Variants in PI4KA observed in about 807,000 individuals in gnomAD.
PI4KA encodes the protein phosphatidylinositol 4-kinase alpha.
In PI4KA, 122 loss-of-function variants were observed where a neutral mutation model predicts 271.4. That is an observed-to-expected ratio of 0.45 (90% CI 0.39 to 0.52). PI4KA has a LOEUF of 0.52. Among genes scored for constraint, PI4KA ranks in the 20% least tolerant of loss-of-function variants. The pLI, the probability that PI4KA is intolerant of heterozygous loss-of-function variation, is 0.00. For synonymous variants in PI4KA, 1,041 were observed against 1,078.8 expected (o/e 0.96, Z 0.69); for missense variants, 1,969 against 2,769.1 (o/e 0.71, Z 6.48).
intron 18 of PI4KA, among the ~76,000 whole-genome samples, chr22:20,794,509 G>C (rs912831305): frequency 2.0e-5 from 3 of 152,188 alleles, no homozygotes; most frequent in African/African-American, 7.2e-5. Flanking sequence ...TCAGCCACAT[G>C]ACTGTCGGAG....
At chr22:20,777,615 G>C (rs1031021434) in intron 19 of PI4KA, among the ~76,000 whole-genome samples, 3 of 152,222 alleles carry the variant, frequency 2.0e-5, no homozygotes, top group Middle Eastern at 3.2e-3. Context: ...TGGTCTCCCA[G>C]TGTTGGGATT....
chr22:20,825,508 T>C (rs551721692), intron 3 of PI4KA, among the ~76,000 whole-genome samples: 4 of 152,246 alleles, frequency 2.6e-5, no homozygotes, highest in African/African-American at 9.6e-5. Context: ...GGCACGAGAA[T>C]TGCTTGAACC....
Position 20,765,249 on chromosome 22 carries a change from G to A in PI4KA, c.2438-13C>T, listed in dbSNP as rs769486695. On this transcript the variant is annotated splice_polypyrimidine_tract_variant and intron_variant, in intron 20 of 54. Coordinates refer to ENST00000255882, the MANE Select transcript of PI4KA (RefSeq NM_058004.4). ...TCTGGCCAGAGTCCTGCAATAAAGT[G>A]AACATAAATGAGGAAATCACCTTGG... 4 of 1,591,192 alleles carry A rather than the reference G, an allele frequency of 2.5e-6. No individual in the cohort carries two copies. Among genetic ancestry groups the A allele is most frequent in the African/African-American group, 1.3e-5 (1 of 74,436 alleles).
intron 22 of PI4KA, among the ~76,000 whole-genome samples, chr22:20,763,865 G>A (rs888940148): frequency 5.3e-5 from 8 of 152,192 alleles, no homozygotes; most frequent in African/African-American, 1.9e-4. Context: ...CTGAGGGCAG[G>A]GAGGAGGAGA....
chr22:20,747,587 A>G lies in PI4KA; in HGVS notation c.3359T>C (p.Leu1120Pro), dbSNP rs1374832801. 1 of 1,613,754 alleles carries G rather than the reference A, an allele frequency of 6.2e-7. No individual in the cohort carries two copies. The highest frequency in any genetic ancestry group is 8.5e-7 in the Non-Finnish European group (1 of 1,179,932). ...CTTCAGAAGGCTCGCACATACCCCA[A>G]GAGTTGTGTTCTGCTTGTTGTAGCC... The part of the protein sequence containing the change: ...FAGYNKQNTT[L>P]GATQLSERPA... Residue 1120 changes from leucine (L) to proline (P), a missense_variant, in exon 29 of 55, where the codon CTT becomes CCT. Leu to Pro is a moderately conservative substitution (Grantham distance 98). Coordinates refer to ENST00000255882, the MANE Select transcript of PI4KA (RefSeq NM_058004.4).
intron 23 of PI4KA, among the ~76,000 whole-genome samples, chr22:20,757,449 C>G (rs1375590950): frequency 6.6e-6 from 1 of 152,142 alleles, no homozygotes; most frequent in Non-Finnish European, 1.5e-5. Context: ...AAAAACAGAG[C>G]TCAGAGAGAA....
chr22:20,732,596 C>T (rs1928210510), intron 36 of PI4KA, among the ~76,000 whole-genome samples: 1 of 152,222 alleles, frequency 6.6e-6, no homozygotes, highest in African/African-American at 2.4e-5. Flanking sequence ...AATCACCTGT[C>T]CATTTGACTG....
chr22:20,713,892 A>C (rs1396735196), intron 47 of PI4KA, among the ~76,000 whole-genome samples: 1 of 152,232 alleles, frequency 6.6e-6, no homozygotes, highest in Non-Finnish European at 1.5e-5. Flanking sequence ...CCTTATTTGG[A>C]AACAGGGTCT....
At chr22:20,776,550 G>C (rs1933296995) in intron 19 of PI4KA, among the ~76,000 whole-genome samples, 1 of 152,124 alleles carries the variant, frequency 6.6e-6, no homozygotes, top group Non-Finnish European at 1.5e-5. Context: ...GTATTATAAG[G>C]GGAAGACCCA....
At chr22:20,824,621 T>C (rs1055265409) in intron 3 of PI4KA, among the ~76,000 whole-genome samples, 3 of 152,052 alleles carry the variant, frequency 2.0e-5, no homozygotes, top group Non-Finnish European at 4.4e-5. Context: ...TTTAAGTAAA[T>C]GTTTTGGTTC....
intron 12 of PI4KA, 56 bp from the exon 13 acceptor site, chr22:20,803,376 G>A (rs993229578): frequency 8.7e-6 from 14 of 1,608,110 alleles, no homozygotes; most frequent in Non-Finnish European, 1.2e-5. Flanking sequence ...ATCTGAGTAG[G>A]CCCTGAGCAG....
At chr22:20,806,293 C>T (rs1935646870) in intron 10 of PI4KA, among the ~76,000 whole-genome samples, 1 of 152,122 alleles carries the variant, frequency 6.6e-6, no homozygotes, top group Non-Finnish European at 1.5e-5. Context: ...AAGATTGTTT[C>T]CTCACTTCTG....
At chr22:20,764,257 A>C (rs1480187047) in intron 22 of PI4KA, among the ~76,000 whole-genome samples, 8 of 152,152 alleles carry the variant, frequency 5.3e-5, no homozygotes, top group Admixed American at 5.2e-4. Context: ...GTAATGCAGC[A>C]CAGTACCTGG....
intron 1 of PI4KA, among the ~76,000 whole-genome samples, chr22:20,854,819 T>C (rs1257281427): frequency 6.6e-6 from 1 of 152,168 alleles, no homozygotes; most frequent in Non-Finnish European, 1.5e-5. Flanking sequence ...CCATCTTTAT[T>C]ATCTCAGGTG....
intron 3 of PI4KA, among the ~76,000 whole-genome samples, chr22:20,825,380 A>G (rs1923274939): frequency 6.6e-6 from 1 of 152,166 alleles, no homozygotes; most frequent in African/African-American, 2.4e-5. Flanking sequence ...AGATCACTTG[A>G]GGCCAGGAGT....
At chr22:20,775,688 C>G (rs1398177865) in intron 19 of PI4KA, among the ~76,000 whole-genome samples, 2 of 152,082 alleles carry the variant, frequency 1.3e-5, no homozygotes, top group Admixed American at 1.3e-4. Flanking sequence ...TGAGGTCTTG[C>G]TATGTTGCTC....
At chr22:20,750,730 T>C (rs1930588697) in intron 27 of PI4KA, among the ~76,000 whole-genome samples, 2 of 152,204 alleles carry the variant, frequency 1.3e-5, no homozygotes, top group African/African-American at 4.8e-5. Flanking sequence ...GGTCCAGAGG[T>C]AGGACATGAC....
chr22:20,779,560 A>C (rs923085562), intron 19 of PI4KA: 2 of 1,614,056 alleles, frequency 1.2e-6, no homozygotes, highest in African/African-American at 2.7e-5. Context: ...CTGGACCTGG[A>C]GAAGATATTC....
chr22:20,825,083 A>AAAAAAAC (rs1923236569), intron 3 of PI4KA, among the ~76,000 whole-genome samples: 3 of 151,614 alleles, frequency 2.0e-5, no homozygotes, highest in Non-Finnish European at 4.4e-5. Context: ...AAAAAAAAAA[A>AAAAAAAC]AAATCAATTT....
Sources: allele counts gnomAD v4.1 joint callset (sites outside exome capture counted in the v4.1 genomes callset), GRCh38; gene constraint gnomAD v4.1.1; transcripts MANE v1.5; gene names NCBI Gene and HGNC (gene_info 2026-07-23, HGNC 2026-07-21).